AFF2: variants seen among roughly 807,000 people sequenced by gnomAD.
AFF2 encodes AF4/FMR2 family member 2.
Under a neutral mutation model 76.9 loss-of-function variants are expected in AFF2, and 14 were observed. The observed-to-expected ratio is 0.18, with a 90% CI of 0.12 to 0.28. AFF2 has a LOEUF of 0.28. Ranked by LOEUF, AFF2 falls within the 10% of genes least tolerant of loss-of-function variation. AFF2 has a pLI of 1.00. For missense variants in AFF2, 868 were observed against 1,001.1 expected (o/e 0.87, Z 1.79); for synonymous variants, 398 against 366.7 (o/e 1.09, Z -0.98).
At position 148,625,381 on chromosome X, in the gene AFF2, G is replaced by A. The variant is rs782058233; in HGVS notation, c.48-26618G>A. Among the ~76,000 whole-genome samples the A allele has an allele frequency of 1.9e-4, 21 of 111,227 alleles. No homozygotes were observed. In the South Asian group the frequency reaches 8.0e-3, roughly 42 times the overall value. On this transcript the variant is annotated intron_variant, in intron 1 of 20. Transcript: ENST00000370460. ...ACTGACAGATTTGCTTAGTGGTGCT[G>A]ACTTTTGGCCCCTTACTCCTCCCGC... is the stretch of plus-strand genomic sequence containing the variant.
At chrX:148,912,527 T>C (rs1557282078) in intron 9 of AFF2, among the ~76,000 whole-genome samples, 1 of 112,182 alleles carries the variant, frequency 8.9e-6, no homozygotes, top group Non-Finnish European at 1.9e-5. Flanking sequence ...GCTTATTACC[T>C]GAGTGATGAA....
intron 3 of AFF2, among the ~76,000 whole-genome samples, chrX:148,694,830 T>A (rs1160926517): frequency 1.0e-5 from 1 of 99,344 alleles, no homozygotes; most frequent in African/African-American, 3.7e-5. Context: ...TTTTTTTTTT[T>A]TTTGAGATGG....
At chrX:148,584,382 T>A (rs2053445214) in intron 1 of AFF2, among the ~76,000 whole-genome samples, 1 of 111,329 alleles carries the variant, frequency 9.0e-6, no homozygotes, top group Admixed American at 9.6e-5. Flanking sequence ...GCAGAGTATG[T>A]CCAAGGAAAC....
intron 20 of AFF2, among the ~76,000 whole-genome samples, chrX:148,990,464 T>TA (rs1329356417): frequency 8.9e-6 from 1 of 112,504 alleles, no homozygotes; most frequent in Admixed American, 9.4e-5. Flanking sequence ...AGCTAGTTTT[T>TA]AGAGATCATA....
intron 1 of AFF2, among the ~76,000 whole-genome samples, chrX:148,607,659 G>T (rs1324241547): frequency 3.6e-5 from 4 of 111,203 alleles, no homozygotes; most frequent in Non-Finnish European, 7.6e-5. Context: ...ACATCAAAGG[G>T]GCACACAACC....
rs782595049 is a variant in AFF2, at chrX:148,662,284, A to T, written c.557A>T (p.Gln186Leu). ...GQPNKMQTLT[Q>L]DQSQAKLEDF... ...CCAAACAAGATGCAGACTTTGACACAGGACCAGTCTCAAGCCAAACTGGAA... is the reference window on the plus strand; with the variant it reads ...CCAAACAAGATGCAGACTTTGACACTGGACCAGTCTCAAGCCAAACTGGAA... Residue 186 changes from glutamine (Q) to leucine (L), a missense_variant, in exon 3 of 21, where the codon CAG (glutamine) becomes CTG (leucine). Transcript: ENST00000370460. 8.3e-7 allele frequency: 1 copy of T among 1,212,054 alleles called. No homozygotes were observed. The highest frequency in any genetic ancestry group is 3.0e-5 in the East Asian group (1 of 33,854).
intron 3 of AFF2, among the ~76,000 whole-genome samples, chrX:148,801,289 C>G (rs1362684133): frequency 1.4e-4 from 16 of 111,690 alleles, no homozygotes; most frequent in Non-Finnish European, 5.7e-5. Context: ...GCCTCCAACT[C>G]CCTTCTTTCT....
intron 3 of AFF2, among the ~76,000 whole-genome samples, chrX:148,706,435 G>A (rs5980581): frequency 0.068 from 7,643 of 112,185 alleles, 645 homozygotes; most frequent in African/African-American, 0.24. Context: ...GCTATCTGCC[G>A]TGGTAAACTC....
chrX:148,769,687 C>A (rs1320687187), intron 3 of AFF2, among the ~76,000 whole-genome samples: 15 of 110,441 alleles, frequency 1.4e-4, no homozygotes, highest in Non-Finnish European at 2.8e-4. Flanking sequence ...TGGGAGAGAG[C>A]CAGAGCCGCT....
At chrX:148,801,158 C>A (rs1439235203) in intron 3 of AFF2, among the ~76,000 whole-genome samples, 1 of 111,800 alleles carries the variant, frequency 8.9e-6, no homozygotes, top group Non-Finnish European at 1.9e-5. Flanking sequence ...CAGAATGAAG[C>A]CTCTTCTAGA....
chrX:148,843,294 G>A (rs782643630), intron 6 of AFF2, 88 bp from the exon 7 acceptor site: 749 of 796,555 alleles, frequency 9.4e-4, no homozygotes, highest in Non-Finnish European at 1.3e-3. Flanking sequence ...TAACTCGGGG[G>A]ACTGCATGTT....
intron 1 of AFF2, among the ~76,000 whole-genome samples, chrX:148,530,415 G>A (rs1384182544): frequency 2.7e-5 from 3 of 111,757 alleles, no homozygotes; most frequent in African/African-American, 9.8e-5. Context: ...CTTCCATTTG[G>A]TTGAATTAAA....
chrX:148,969,080 T>A (rs1228755964), intron 15 of AFF2, among the ~76,000 whole-genome samples: 1 of 112,712 alleles, frequency 8.9e-6, no homozygotes, highest in Non-Finnish European at 1.9e-5. Context: ...TAGGAGACCA[T>A]GTAAATGAAA....
chrX:148,798,146 T>C (rs1229475823), intron 3 of AFF2, among the ~76,000 whole-genome samples: 3 of 111,116 alleles, frequency 2.7e-5, no homozygotes, highest in African/African-American at 9.8e-5. Flanking sequence ...ATGGAAGAAG[T>C]TGGAGGTTGG....
At chrX:148,871,011 C>A (rs2070967182) in intron 7 of AFF2, among the ~76,000 whole-genome samples, 1 of 110,732 alleles carries the variant, frequency 9.0e-6, no homozygotes, top group Non-Finnish European at 1.9e-5. Context: ...GAATGCTGAT[C>A]ATAATTGGAA....
intron 3 of AFF2, among the ~76,000 whole-genome samples, chrX:148,687,680 A>G (rs2054612529): frequency 9.2e-6 from 1 of 108,554 alleles, no homozygotes; most frequent in Non-Finnish European, 1.9e-5. Context: ...TGCAATGTGG[A>G]TTTTTTTTTG....
At chrX:148,925,172 A>G (rs1367124861) in intron 9 of AFF2, among the ~76,000 whole-genome samples, 1 of 112,452 alleles carries the variant, frequency 8.9e-6, no homozygotes, top group South Asian at 3.7e-4. Flanking sequence ...GCTAATGTGT[A>G]GCTTCCTGTC....
intron 7 of AFF2, among the ~76,000 whole-genome samples, 157 bp from the exon 8 acceptor site, chrX:148,885,732 C>A (rs782801639): frequency 8.9e-6 from 1 of 111,884 alleles, no homozygotes; most frequent in South Asian, 3.8e-4. Context: ...GCTCAAATAT[C>A]TAATTAGCTG....
chrX:148,834,941 G>A (rs1465597660), intron 4 of AFF2, among the ~76,000 whole-genome samples: 3 of 111,723 alleles, frequency 2.7e-5, no homozygotes, highest in Non-Finnish European at 5.6e-5. Flanking sequence ...TGCATCAGTG[G>A]TAACATGGAC....
Sources: gnomAD v4.1 joint callset for allele counts (sites outside exome capture counted in the v4.1 genomes callset) on GRCh38, gnomAD v4.1.1 for gene constraint, MANE v1.5 for transcripts, NCBI Gene and HGNC (gene_info 2026-07-23, HGNC 2026-07-21) for gene names.